The following VAT1L variants were observed in gnomAD, a reference collection of about 807,000 sequenced individuals.
VAT1L encodes vesicle amine transport 1 like.
VAT1L carries 34 observed loss-of-function variants against 44.1 expected under a neutral mutation model. That is an observed-to-expected ratio of 0.77 (90% CI 0.59 to 1.03). The LOEUF (loss-of-function observed/expected upper bound fraction) is 1.03, where lower values mean the gene tolerates loss of function less well. Ranked by LOEUF, VAT1L falls within the 50% of genes least tolerant of loss-of-function variation. VAT1L has a pLI of 0.00. For synonymous variants in VAT1L, 253 were observed against 202.2 expected, an observed-to-expected ratio of 1.25 and a Z score of -2.13; for missense variants, 615 against 538.8, an observed-to-expected ratio of 1.14 and a Z score of -1.40.
chr16:77,928,454 G>A (rs1271134149), intron 7 of VAT1L, among the ~76,000 whole-genome samples: 6 of 152,156 alleles, frequency 3.9e-5, no homozygotes, highest in Non-Finnish European at 8.8e-5. Flanking sequence ...AAAAGATCAA[G>A]TATTGAGATT....
At chr16:77,828,316 G>T (rs2016545607) in intron 3 of VAT1L, among the ~76,000 whole-genome samples, 1 of 152,238 alleles carries the variant, frequency 6.6e-6, no homozygotes, top group Non-Finnish European at 1.5e-5. Flanking sequence ...TTGAGATAGG[G>T]AGGTTATCCT....
At chr16:77,976,516 T>C (rs1025458127) in intron 8 of VAT1L, among the ~76,000 whole-genome samples, 14 of 152,108 alleles carry the variant, frequency 9.2e-5, no homozygotes, top group Non-Finnish European at 1.5e-5. Flanking sequence ...AGGGGCCAAA[T>C]TCCTGTTTGT....
intron 7 of VAT1L, among the ~76,000 whole-genome samples, chr16:77,925,538 A>T (rs1170174702): frequency 6.6e-6 from 1 of 152,212 alleles, no homozygotes; most frequent in Non-Finnish European, 1.5e-5. Context: ...AGTCAATATA[A>T]GAACAAAAGA....
At chr16:77,931,910 G>A (rs1030831265) in intron 7 of VAT1L, among the ~76,000 whole-genome samples, 5 of 152,160 alleles carry the variant, frequency 3.3e-5, no homozygotes, top group African/African-American at 1.2e-4. Flanking sequence ...TTGATGTACT[G>A]TGAAAACATT....
chr16:77,834,152 T>C (rs939681979), intron 3 of VAT1L, among the ~76,000 whole-genome samples: 1 of 152,130 alleles, frequency 6.6e-6, no homozygotes, highest in African/African-American at 2.4e-5. Flanking sequence ...CCCCTTAGCT[T>C]CTGGACACAC....
chr16:77,804,519 C>A (rs1475887200), intron 1 of VAT1L, among the ~76,000 whole-genome samples: 1 of 152,170 alleles, frequency 6.6e-6, no homozygotes, highest in African/African-American at 2.4e-5. Flanking sequence ...GAATGTATTT[C>A]TTTTCCCAGA....
At chr16:77,969,292 G>A (rs541857315) in intron 7 of VAT1L, among the ~76,000 whole-genome samples, 1 of 152,062 alleles carries the variant, frequency 6.6e-6, no homozygotes, top group Non-Finnish European at 1.5e-5. Context: ...ATGCAGCCCA[G>A]CAAGTCCCAG....
intron 7 of VAT1L, among the ~76,000 whole-genome samples, chr16:77,891,072 C>T (rs566167372): frequency 6.7e-6 from 1 of 150,328 alleles, no homozygotes; most frequent in African/African-American, 2.4e-5. Context: ...TTCAGCTTCT[C>T]GGCCGGGCGT....
At chr16:77,966,599 C>T (rs1274499765) in intron 7 of VAT1L, among the ~76,000 whole-genome samples, 1 of 152,190 alleles carries the variant, frequency 6.6e-6, no homozygotes, top group Non-Finnish European at 1.5e-5. Context: ...CAGTGCTGTT[C>T]AGCAGAATTA....
intron 7 of VAT1L, among the ~76,000 whole-genome samples, chr16:77,923,947 C>T (rs1392841153): frequency 6.6e-6 from 1 of 152,074 alleles, no homozygotes; most frequent in East Asian, 1.9e-4. Flanking sequence ...TGGGGTCTGC[C>T]TTCCCCCCCT....
chr16:77,903,760 A>G (rs2017409404), intron 7 of VAT1L, among the ~76,000 whole-genome samples: 1 of 140,134 alleles, frequency 7.1e-6, no homozygotes, highest in African/African-American at 2.7e-5. Flanking sequence ...TTTTTGAGAC[A>G]GAGTCTTATT....
At chr16:77,960,944 A>C (rs1256309238) in intron 7 of VAT1L, among the ~76,000 whole-genome samples, 2 of 152,130 alleles carry the variant, frequency 1.3e-5, no homozygotes, top group African/African-American at 2.4e-5. Flanking sequence ...AGCCAACTTC[A>C]TTGAGAGCAT....
At chr16:77,961,475 G>C (rs1567523174) in intron 7 of VAT1L, among the ~76,000 whole-genome samples, 1 of 152,206 alleles carries the variant, frequency 6.6e-6, no homozygotes, top group Non-Finnish European at 1.5e-5. Flanking sequence ...TAGAGATGGA[G>C]GTGGGAGAAG....
At chr16:77,896,436 C>T (rs774465534) in intron 7 of VAT1L, among the ~76,000 whole-genome samples, 19 of 152,162 alleles carry the variant, frequency 1.2e-4, no homozygotes, top group Non-Finnish European at 2.5e-4. Flanking sequence ...TACCTTCCTT[C>T]GGTTTCTATT....
At chr16:77,935,141 A>G (rs2017778122) in intron 7 of VAT1L, among the ~76,000 whole-genome samples, 1 of 152,176 alleles carries the variant, frequency 6.6e-6, no homozygotes, top group Admixed American at 6.5e-5. Context: ...AAACCAGCAA[A>G]ATGATTTACA....
chr16:77,862,592 C>T (rs2016926375), intron 3 of VAT1L, among the ~76,000 whole-genome samples, 156 bp from the exon 4 acceptor site: 1 of 144,858 alleles, frequency 6.9e-6, no homozygotes, highest in Non-Finnish European at 1.5e-5. Context: ...CATTGCACTC[C>T]AGCCTGAGTG....
chr16:77,833,624 G>A (rs574883923), intron 3 of VAT1L, among the ~76,000 whole-genome samples: 1 of 152,054 alleles, frequency 6.6e-6, no homozygotes, highest in Non-Finnish European at 1.5e-5. Context: ...GGTGGCGTGT[G>A]CCTGTAATCC....
At chr16:77,954,828 C>A (rs1222509596) in intron 7 of VAT1L, among the ~76,000 whole-genome samples, 2 of 152,140 alleles carry the variant, frequency 1.3e-5, no homozygotes, top group Non-Finnish European at 2.9e-5. Context: ...CAGGAGTAGA[C>A]TACCTGTCCA....
Position 77,951,421 on chromosome 16 carries a change from C to T in VAT1L, c.1078-20429C>T, listed in dbSNP as rs557989592. Among the ~76,000 whole-genome samples the T allele has an allele frequency of 5.9e-5, 9 of 152,222 alleles. No individual in the cohort carries two copies. The East Asian group carries it at 1.5e-3, about 26-fold the overall frequency. On this transcript the variant is annotated intron_variant, in intron 7 of 8. Transcript: ENST00000302536. ...AGTAGCCAGGTGTGGTGGCGGGAGCCTGTAATCCCAGCTACTCGGGAGGCT... is the reference window on the plus strand; with the variant it reads ...AGTAGCCAGGTGTGGTGGCGGGAGCTTGTAATCCCAGCTACTCGGGAGGCT...
Sources: gnomAD v4.1 joint callset for allele counts (sites outside exome capture counted in the v4.1 genomes callset) on GRCh38, gnomAD v4.1.1 for gene constraint, MANE v1.5 for transcripts, NCBI Gene and HGNC (gene_info 2026-07-23, HGNC 2026-07-21) for gene names.